The following NEDD4L variants were observed in gnomAD, a reference collection of about 807,000 sequenced individuals.
NEDD4L encodes NEDD4 like E3 ubiquitin protein ligase.
A neutral mutation model predicts 148.9 loss-of-function variants in NEDD4L; 54 were observed. That is an observed-to-expected ratio of 0.36 (90% CI 0.29 to 0.45). The LOEUF (loss-of-function observed/expected upper bound fraction) is 0.45. NEDD4L is among the 20% of genes least tolerant of loss of function. NEDD4L has a pLI of 1.00. For synonymous variants in NEDD4L, 433 were observed against 440.7 expected (o/e 0.98, Z 0.22); for missense variants, 856 against 1,233.8 (o/e 0.69, Z 4.59).
chr18:58,372,338 A>G (rs1182577697), intron 23 of NEDD4L: 1 of 151,614 alleles, frequency 6.6e-6, no homozygotes, highest in South Asian at 2.1e-4. Flanking sequence ...CTGGTCTTGA[A>G]CAGCCTCAAG....
intron 24 of NEDD4L, among the ~76,000 whole-genome samples, chr18:58,375,473 C>A (rs1427285809): frequency 6.6e-6 from 1 of 152,066 alleles, no homozygotes; most frequent in African/African-American, 2.4e-5. Flanking sequence ...TGGCATATGA[C>A]CCCTCATAAT....
At chr18:58,175,309 G>A (rs1893480) in intron 2 of NEDD4L, among the ~76,000 whole-genome samples, 67,552 of 148,960 alleles carry the variant, frequency 0.45, 15,686 homozygotes, top group Middle Eastern at 0.52. Context: ...ACTAGGGACC[G>A]TACACCTCCT....
intron 9 of NEDD4L, among the ~76,000 whole-genome samples, chr18:58,328,263 C>A (rs2059487409): frequency 6.6e-6 from 1 of 152,104 alleles, no homozygotes; most frequent in African/African-American, 2.4e-5. Flanking sequence ...CCATGCCCAG[C>A]CCAAAAAAGT....
chr18:58,374,180 A>C (rs2047252258), intron 24 of NEDD4L, among the ~76,000 whole-genome samples: 1 of 152,248 alleles, frequency 6.6e-6, no homozygotes, highest in Non-Finnish European at 1.5e-5. Context: ...ATGCCACTAG[A>C]GGATTTAATG....
intron 5 of NEDD4L, among the ~76,000 whole-genome samples, chr18:58,296,003 G>A (rs2055509057): frequency 6.6e-6 from 1 of 152,068 alleles, no homozygotes; most frequent in African/African-American, 2.4e-5. Flanking sequence ...CTGGTCTGTG[G>A]GCACACACCA....
intron 10 of NEDD4L, 38 bp downstream of exon 10, chr18:58,329,165 C>T (rs996735262): frequency 7.5e-6 from 12 of 1,601,562 alleles, no homozygotes; most frequent in Non-Finnish European, 9.4e-6. Context: ...CCCGGCAGCT[C>T]CTTCTTCCCA....
At chr18:58,138,375 C>T (rs1452733418) in intron 1 of NEDD4L, among the ~76,000 whole-genome samples, 1 of 148,946 alleles carries the variant, frequency 6.7e-6, no homozygotes, top group Non-Finnish European at 1.5e-5. Flanking sequence ...CCCTCCCCTC[C>T]TCCTCTTTCC....
chr18:58,283,031 G>GT (rs947924350), intron 5 of NEDD4L, among the ~76,000 whole-genome samples: 3 of 152,112 alleles, frequency 2.0e-5, no homozygotes, highest in Non-Finnish European at 4.4e-5. Flanking sequence ...TGAAAGGAAC[G>GT]TGATAAATTG....
intron 1 of NEDD4L, among the ~76,000 whole-genome samples, chr18:58,056,676 G>T (rs184914167): frequency 8.1e-4 from 124 of 152,170 alleles, no homozygotes; most frequent in African/African-American, 2.9e-3. Context: ...CACCTCCTGG[G>T]TTTAAGCGAT....
At chr18:58,268,329 T>C (rs2050522273) in intron 5 of NEDD4L, among the ~76,000 whole-genome samples, 1 of 151,938 alleles carries the variant, frequency 6.6e-6, no homozygotes, top group Admixed American at 6.6e-5. Flanking sequence ...CAGATGTTTC[T>C]TTCAGACCTT....
intron 6 of NEDD4L, among the ~76,000 whole-genome samples, chr18:58,319,239 G>A (rs2058562723): frequency 6.6e-6 from 1 of 152,186 alleles, no homozygotes; most frequent in South Asian, 2.1e-4. Flanking sequence ...GCAATAAGCA[G>A]GTCATTGGTG....
intron 14 of NEDD4L, 36 bp downstream of exon 14, chr18:58,341,205 C>T: frequency 1.2e-6 from 2 of 1,605,602 alleles, no homozygotes; most frequent in Non-Finnish European, 1.7e-6. Context: ...AACCGCAGGC[C>T]ATAGAAGCCG....
intron 24 of NEDD4L, among the ~76,000 whole-genome samples, chr18:58,374,265 T>C (rs766397635): frequency 9.9e-5 from 15 of 152,186 alleles, no homozygotes; most frequent in Non-Finnish European, 1.6e-4. Flanking sequence ...TCCCATGTCC[T>C]GTGTTTGAGC....
intron 1 of NEDD4L, among the ~76,000 whole-genome samples, chr18:58,135,903 TG>T (rs567434846): frequency 6.6e-5 from 10 of 152,328 alleles, no homozygotes; most frequent in African/African-American, 2.2e-4. Context: ...AAGAAGACGT[TG>T]GGTTTTGTTT....
At chr18:58,317,664 T>C (rs2058412102) in intron 6 of NEDD4L, among the ~76,000 whole-genome samples, 1 of 152,084 alleles carries the variant, frequency 6.6e-6, no homozygotes, top group Non-Finnish European at 1.5e-5. Context: ...CGAGGCCAAG[T>C]CAGTATAAAG....
chr18:58,191,942 A>G (rs1320437232), intron 2 of NEDD4L, among the ~76,000 whole-genome samples: 1 of 152,156 alleles, frequency 6.6e-6, no homozygotes, highest in African/African-American at 2.4e-5. Context: ...AGGCTGAGGC[A>G]GCTGGATTAC....
intron 24 of NEDD4L, among the ~76,000 whole-genome samples, chr18:58,378,725 C>T (rs1032270441): frequency 6.6e-6 from 1 of 152,186 alleles, no homozygotes; most frequent in African/African-American, 2.4e-5. Flanking sequence ...GGCGTTTGCC[C>T]AGCAGTGCTC....
intron 6 of NEDD4L, among the ~76,000 whole-genome samples, chr18:58,320,882 A>G (rs1568685094): frequency 1.3e-5 from 2 of 152,248 alleles, no homozygotes; most frequent in Non-Finnish European, 2.9e-5. Context: ...TTTTCTTAAT[A>G]AATTATCCAT....
At chr18:58,159,033 G>A (rs1170974870) in intron 1 of NEDD4L, among the ~76,000 whole-genome samples, 2 of 152,158 alleles carry the variant, frequency 1.3e-5, no homozygotes, top group African/African-American at 2.4e-5. Flanking sequence ...TGGTCAATGT[G>A]GAGAACTCAG....
Sources: gnomAD v4.1 joint callset for allele counts (sites outside exome capture counted in the v4.1 genomes callset) on GRCh38, gnomAD v4.1.1 for gene constraint, MANE v1.5 for transcripts, NCBI Gene and HGNC (gene_info 2026-07-23, HGNC 2026-07-21) for gene names.